Variants in NSUN6 observed in about 807,000 individuals in gnomAD.
NSUN6 encodes the protein NOP2/Sun RNA methyltransferase 6, also known as tRNA (cytosine(72)-C(5))-methyltransferase NSUN6.
In NSUN6, 64 loss-of-function variants were observed where a neutral mutation model predicts 58.0. The ratio of observed to expected loss-of-function variants is 1.10; its 90% confidence interval spans 0.90 to 1.36. The LOEUF (loss-of-function observed/expected upper bound fraction) is 1.36, where lower values mean the gene tolerates loss of function less well. NSUN6 is among the 40% of genes most tolerant of loss of function. The probability of loss-of-function intolerance (pLI) is 0.00; values close to 1 mark genes in which losing one functional copy is unlikely to be tolerated. For missense variants in NSUN6, 701 were observed against 550.1 expected, an observed-to-expected ratio of 1.27 and a Z score of -2.74; for synonymous variants, 231 against 193.9, an observed-to-expected ratio of 1.19 and a Z score of -1.59.
At position 18,548,105 on chromosome 10, in the gene NSUN6, C is replaced by T. The variant is rs776618848; in HGVS notation, c.1197+7G>A. ...TATTACACAGAGAAAAATGAAATTA[C>T]TCCTACCTGGGGCTGAAGCTGAAGG... On this transcript the variant is annotated splice_region_variant and intron_variant, in intron 10 of 10. Transcript: ENST00000377304. The T allele has an allele frequency of 1.2e-6, 2 of 1,613,140 alleles. No individual in the cohort carries two copies. Among genetic ancestry groups the T allele is most frequent in the East Asian group, 2.2e-5 (1 of 44,836 alleles).
intron 1 of NSUN6, among the ~76,000 whole-genome samples, chr10:18,650,187 G>C (rs1259749243): frequency 6.6e-6 from 1 of 151,946 alleles, no homozygotes; most frequent in Non-Finnish European, 1.5e-5. Context: ...CCAAAACAAT[G>C]CAAGTTGTTT....
At chr10:18,604,893 T>G (rs2057990852) in intron 6 of NSUN6, among the ~76,000 whole-genome samples, 2 of 150,114 alleles carry the variant, frequency 1.3e-5, no homozygotes, top group African/African-American at 4.9e-5. Context: ...CTTTTTTTTT[T>G]TTTTCTTTTT....
intron 3 of NSUN6, among the ~76,000 whole-genome samples, chr10:18,619,007 C>T (rs776023976): frequency 6.6e-6 from 1 of 152,184 alleles, no homozygotes; most frequent in Non-Finnish European, 1.5e-5. Flanking sequence ...CCGATCTCAG[C>T]TGATCTTGGA....
At position 18,651,351 on chromosome 10, in the gene NSUN6, G is replaced by A; in HGVS notation, c.-148C>T. 7.2e-7 allele frequency: 1 copy of A among 1,383,304 alleles called. No individual in the cohort carries two copies. Among genetic ancestry groups the A allele is most frequent in the Non-Finnish European group, 9.3e-7 (1 of 1,075,086 alleles). The allele number at this position is 1,383,304 out of a possible 1,614,324, so 85.7% of individuals were successfully genotyped here. ...ATCACGCTGAGTTAATTTCGGAAAT[G>A]CAGAGGTACACGCTTTCTCAAGCCT... On this transcript the variant is annotated 5_prime_UTR_variant, in exon 1 of 11. Coordinates refer to ENST00000377304, the MANE Select transcript of NSUN6 (RefSeq NM_182543.5).
chr10:18,650,702 A>G (rs941582291), intron 1 of NSUN6, among the ~76,000 whole-genome samples: 1 of 152,256 alleles, frequency 6.6e-6, no homozygotes, highest in Non-Finnish European at 1.5e-5. Flanking sequence ...CTAAGAAAAA[A>G]AAGATTGTGA....
intron 6 of NSUN6, among the ~76,000 whole-genome samples, chr10:18,605,867 T>C (rs893328156): frequency 2.6e-5 from 4 of 152,152 alleles, no homozygotes; most frequent in Non-Finnish European, 5.9e-5. Flanking sequence ...TCTACAGAAA[T>C]AATGGAAGCA....
At chr10:18,557,286 G>A (rs1322709114) in intron 8 of NSUN6, among the ~76,000 whole-genome samples, 1 of 151,606 alleles carries the variant, frequency 6.6e-6, no homozygotes, top group African/African-American at 2.4e-5. Context: ...ATGGAATGCA[G>A]TGGAGAGTGG....
intron 1 of NSUN6, 59 bp downstream of exon 1, chr10:18,651,070 C>T (rs1420132719): frequency 2.4e-5 from 38 of 1,565,224 alleles, no homozygotes; most frequent in Non-Finnish European, 3.2e-5. Flanking sequence ...CTATTTCTCT[C>T]GAGTGTGCGA....
chr10:18,593,058 C>T (rs1330099632), intron 7 of NSUN6, among the ~76,000 whole-genome samples: 1 of 152,134 alleles, frequency 6.6e-6, no homozygotes, highest in African/African-American at 2.4e-5. Flanking sequence ...TATGAACAGA[C>T]ACTTCTCAAA....
intron 8 of NSUN6, among the ~76,000 whole-genome samples, chr10:18,563,980 T>C (rs534303978): frequency 4.6e-5 from 7 of 151,188 alleles, no homozygotes; most frequent in African/African-American, 1.7e-4. Flanking sequence ...CTCCACTCCA[T>C]TCCATTCCAT....
Position 18,623,818 on chromosome 10 carries a change from A to C in NSUN6, c.312-7525T>G, listed in dbSNP as rs142777119. Among the ~76,000 whole-genome samples, 292 of 152,328 alleles carry C rather than the reference A, an allele frequency of 1.9e-3. 1 individual carries two copies. Among genetic ancestry groups the C allele is most frequent in the African/African-American group, 6.6e-3 (275 of 41,578 alleles). ...CCTCTGGAAAAAAGGTATGAGCTAAAGCCTTCACAGAGAGCCTCGGCTCTG... is the reference window on the plus strand; with the variant it reads ...CCTCTGGAAAAAAGGTATGAGCTAACGCCTTCACAGAGAGCCTCGGCTCTG... On this transcript the variant is annotated intron_variant, in intron 3 of 10. Coordinates refer to ENST00000377304, the MANE Select transcript of NSUN6 (RefSeq NM_182543.5).
chr10:18,552,036 G>A (rs2054639121), intron 8 of NSUN6, 65 bp from the exon 9 acceptor site: 3 of 865,586 alleles, frequency 3.5e-6, no homozygotes, highest in African/African-American at 3.4e-5. Context: ...AAACTCCTGA[G>A]ATGAGCAGGA....
At chr10:18,557,715 G>A (rs997199245) in intron 8 of NSUN6, among the ~76,000 whole-genome samples, 1 of 149,864 alleles carries the variant, frequency 6.7e-6, no homozygotes, top group African/African-American at 2.4e-5. Flanking sequence ...GAAATGGAAT[G>A]GAGAATGGAA....
chr10:18,642,528 GAATAGGAACACTT>G lies in NSUN6; in HGVS notation c.246_258del (p.Leu82PhefsTer40), dbSNP rs755288407. ...ACATCTTGAAGGTCTGGATGTTGAA[GAATAGGAACACTT>G]AATCCATTAAACTGCTGTTAAAGAT... On this transcript the variant is annotated frameshift_variant, in exon 3 of 11. Coordinates refer to ENST00000377304, the MANE Select transcript of NSUN6 (RefSeq NM_182543.5). LOFTEE classifies it high-confidence loss of function. The G allele has an allele frequency of 6.5e-7, 1 of 1,548,258 alleles. No individual in the cohort carries two copies. Among genetic ancestry groups the G allele is most frequent in the South Asian group, 1.1e-5 (1 of 89,334 alleles).
At chr10:18,611,195 AAATT>A (rs2058221555) in intron 5 of NSUN6, among the ~76,000 whole-genome samples, 1 of 152,102 alleles carries the variant, frequency 6.6e-6, no homozygotes. Flanking sequence ...CAAATAAATA[AAATT>A]TTTAAAAAAA....
chr10:18,622,217 G>T (rs1034976924), intron 3 of NSUN6, among the ~76,000 whole-genome samples: 3 of 152,120 alleles, frequency 2.0e-5, no homozygotes, highest in Non-Finnish European at 4.4e-5. Flanking sequence ...TCATAAATGG[G>T]ATCAGTGCCT....
At chr10:18,600,959 T>TATATATATATATATATATATATACACAC in intron 6 of NSUN6, among the ~76,000 whole-genome samples, 7 of 64,954 alleles carry the variant, frequency 1.1e-4, no homozygotes, top group Non-Finnish European at 2.1e-4. Flanking sequence ...TATATATATA[T>TATATATATATATATATATATATACACAC]ACATATATAT....
At chr10:18,550,212 G>A (rs2054516996) in intron 9 of NSUN6, among the ~76,000 whole-genome samples, 1 of 152,190 alleles carries the variant, frequency 6.6e-6, no homozygotes, top group Non-Finnish European at 1.5e-5. Context: ...CTTTACAGAA[G>A]TATCCTAATT....
At chr10:18,625,167 C>T (rs2691159) in intron 3 of NSUN6, among the ~76,000 whole-genome samples, 85,439 of 151,854 alleles carry the variant, frequency 0.56, 24,560 homozygotes, top group East Asian at 0.97. Context: ...GGTTTTGCTT[C>T]TGTATGCTTT....
Sources: gnomAD v4.1 joint callset for allele counts (sites outside exome capture counted in the v4.1 genomes callset) on GRCh38, gnomAD v4.1.1 for gene constraint, MANE v1.5 for transcripts, NCBI Gene and HGNC (gene_info 2026-07-23, HGNC 2026-07-21) for gene names.